The following RBMS1 variants were observed in gnomAD, a reference collection of about 807,000 sequenced individuals.
RBMS1 encodes the protein RNA binding motif single stranded interacting protein 1.
A neutral mutation model predicts 62.3 loss-of-function variants in RBMS1; 17 were observed. The ratio of observed to expected loss-of-function variants is 0.27; its 90% CI spans 0.19 to 0.41. The LOEUF is 0.41. Among genes scored for constraint, RBMS1 ranks in the 10% least tolerant of loss-of-function variants. The pLI is 1.00. For synonymous variants in RBMS1, 172 were observed against 170.0 expected, an observed-to-expected ratio of 1.01 and a Z score of -0.09; for missense variants, 334 against 504.5, an observed-to-expected ratio of 0.66 and a Z score of 3.24.
intron 1 of RBMS1, among the ~76,000 whole-genome samples, chr2:160,448,710 C>T (rs1218372138): frequency 2.0e-5 from 3 of 152,192 alleles, no homozygotes; most frequent in Non-Finnish European, 4.4e-5. Flanking sequence ...TCTGCCCGGC[C>T]GCCAACCCGT....
intron 1 of RBMS1, among the ~76,000 whole-genome samples, chr2:160,399,783 CAA>C (rs1695343077): frequency 6.6e-6 from 1 of 151,894 alleles, no homozygotes; most frequent in South Asian, 2.1e-4. Context: ...AGGAGAGAGA[CAA>C]AGAGATTTTG....
chr2:160,481,944 T>A (rs1685389956), intron 1 of RBMS1, among the ~76,000 whole-genome samples: 2 of 152,146 alleles, frequency 1.3e-5, no homozygotes. Flanking sequence ...CATACACATA[T>A]CCTATGACCT....
intron 1 of RBMS1, among the ~76,000 whole-genome samples, chr2:160,474,207 G>A (rs572460380): frequency 1.4e-4 from 21 of 152,222 alleles, no homozygotes; most frequent in African/African-American, 4.6e-4. Context: ...TTACAACCAC[G>A]AGTCTAGAGT....
intron 1 of RBMS1, among the ~76,000 whole-genome samples, chr2:160,427,634 T>G (rs1169570067): frequency 2.0e-5 from 3 of 152,222 alleles, no homozygotes; most frequent in African/African-American, 7.2e-5. Context: ...CTAAGACGGT[T>G]ATCTGTATGA....
chr2:160,480,164 A>G (rs1247654470), intron 1 of RBMS1, among the ~76,000 whole-genome samples: 2 of 152,162 alleles, frequency 1.3e-5, no homozygotes, highest in Middle Eastern at 3.2e-3. Context: ...CCTCCAAAAA[A>G]AACTAATTTT....
intron 1 of RBMS1, among the ~76,000 whole-genome samples, chr2:160,454,295 T>C (rs888238458): frequency 1.3e-5 from 2 of 152,258 alleles, no homozygotes; most frequent in East Asian, 3.8e-4. Flanking sequence ...CATGAGTATT[T>C]ACCAAGTTAG....
chr2:160,294,964 A>T (rs1488092522), intron 6 of RBMS1, among the ~76,000 whole-genome samples: 2 of 152,126 alleles, frequency 1.3e-5, no homozygotes, highest in African/African-American at 2.4e-5. Context: ...AAGAAAGAAC[A>T]GTATCTAATA....
At chr2:160,334,005 C>T (rs1178542036) in intron 2 of RBMS1, among the ~76,000 whole-genome samples, 3 of 152,086 alleles carry the variant, frequency 2.0e-5, no homozygotes, top group Admixed American at 6.6e-5. Flanking sequence ...TCTAGTACCA[C>T]AGACATGAGA....
rs571691512 is a variant in RBMS1 at position 160,382,282 on chromosome 2, T to C, written c.76-14891A>G. Among the ~76,000 whole-genome samples, 11 of 152,338 alleles carry C rather than the reference T, an allele frequency of 7.2e-5. No homozygotes were observed. The South Asian group carries it at 2.3e-3, about 32-fold the overall frequency. ...AATCTGGGGAGAAATGCATTAATCA[T>C]ATCATTTTCCTCACTGAAACAGAAT... is the stretch of plus-strand genomic sequence containing the variant. On this transcript the variant is annotated intron_variant, in intron 1 of 13. Transcript: ENST00000348849.
intron 1 of RBMS1, among the ~76,000 whole-genome samples, chr2:160,371,490 T>C (rs915395198): frequency 6.6e-6 from 1 of 152,212 alleles, no homozygotes; most frequent in Admixed American, 6.5e-5. Context: ...ATTTTTCCTG[T>C]TATCAGGTCA....
intron 1 of RBMS1, chr2:160,493,058 T>C: frequency 2.0e-6 from 1 of 504,468 alleles, no homozygotes; most frequent in Non-Finnish European, 3.5e-6. Context: ...TCCTGTCTAG[T>C]CTCTCCCCCC....
chr2:160,426,854 CAG>C (rs765850496), intron 1 of RBMS1, among the ~76,000 whole-genome samples: 2 of 151,948 alleles, frequency 1.3e-5, no homozygotes, highest in Non-Finnish European at 2.9e-5. Flanking sequence ...GGGAGCATGT[CAG>C]GGGGAAAAGA....
chr2:160,278,375 A>T lies in RBMS1; in HGVS notation c.1062+173T>A, dbSNP rs1436725882. The stretch of plus-strand genomic sequence containing the variant: ...CCAGAGAATAGACTTTCAGTTCATC[A>T]ATTAATTAAGAAATAGCTGAGTATT... On this transcript the variant is annotated intron_variant, in intron 11 of 13. Transcript: ENST00000348849. 6 of 635,710 alleles carry T rather than the reference A, an allele frequency of 9.4e-6. 1 individual carries two copies. In the East Asian group the frequency reaches 1.7e-4, roughly 18 times the overall value. 39.4% of individuals were successfully genotyped at this position (635,710 alleles called of 1,614,324 possible). A position where few individuals can be genotyped will look rare whatever the true frequency, so the allele number is the denominator to read the frequency against.
chr2:160,284,923 G>A, intron 8 of RBMS1, 55 bp from the exon 9 acceptor site: 1 of 1,569,078 alleles, frequency 6.4e-7, no homozygotes. Flanking sequence ...AATAATTCAT[G>A]GAACAAATGT....
chr2:160,423,232 T>A (rs1696505339), intron 1 of RBMS1, among the ~76,000 whole-genome samples: 1 of 143,738 alleles, frequency 7.0e-6, no homozygotes, highest in Admixed American at 7.5e-5. Flanking sequence ...TTCTTTCAAT[T>A]TTTCTTGGCA....
At chr2:160,308,055 G>A (rs909041144) in intron 4 of RBMS1, among the ~76,000 whole-genome samples, 1 of 152,140 alleles carries the variant, frequency 6.6e-6, no homozygotes, top group Non-Finnish European at 1.5e-5. Context: ...AGAGGAGAGT[G>A]GAAAGTGACG....
intron 1 of RBMS1, among the ~76,000 whole-genome samples, chr2:160,368,775 GATTACAGACGC>G (rs1398229811): frequency 6.6e-6 from 1 of 152,118 alleles, no homozygotes; most frequent in Non-Finnish European, 1.5e-5. Flanking sequence ...GAGGAGCTGG[GATTACAGACGC>G]ACAACACCAT....
intron 7 of RBMS1, among the ~76,000 whole-genome samples, chr2:160,285,998 C>T (rs1223476835): frequency 6.6e-6 from 1 of 151,934 alleles, no homozygotes; most frequent in Admixed American, 6.6e-5. Flanking sequence ...GTAGTCCCAG[C>T]TACTTGGGAG....
chr2:160,426,220 AG>A (rs755304061), intron 1 of RBMS1, among the ~76,000 whole-genome samples: 21 of 58,074 alleles, frequency 3.6e-4, no homozygotes, highest in African/African-American at 1.6e-3. Flanking sequence ...GAGAGACAGA[AG>A]AAAGAAAGAA....
Sources: gnomAD v4.1 joint callset for allele counts (sites outside exome capture counted in the v4.1 genomes callset) on GRCh38, gnomAD v4.1.1 for gene constraint, MANE v1.5 for transcripts, NCBI Gene and HGNC (gene_info 2026-07-23, HGNC 2026-07-21) for gene names.